The following TNKS variants were observed in gnomAD, a reference collection of about 807,000 sequenced individuals.
TNKS encodes poly [ADP-ribose] polymerase tankyrase-1.
A neutral mutation model predicts 135.8 loss-of-function variants in TNKS; 72 were observed. The ratio of observed to expected loss-of-function variants is 0.53; its 90% CI spans 0.44 to 0.64. TNKS has a LOEUF of 0.64. TNKS is among the 30% of genes least tolerant of loss of function. The pLI, the probability that TNKS is intolerant of heterozygous loss-of-function variation, is 0.00. For missense variants in TNKS, 1,769 were observed against 1,674.0 expected, an observed-to-expected ratio of 1.06 and a Z score of -0.99; for synonymous variants, 849 against 649.3, an observed-to-expected ratio of 1.31 and a Z score of -4.68.
intron 17 of TNKS, among the ~76,000 whole-genome samples, chr8:9,745,039 A>G (rs1234833614): frequency 2.0e-5 from 3 of 152,240 alleles, no homozygotes; most frequent in Admixed American, 2.0e-4. Context: ...GCCTGTAAAC[A>G]TGGGAGTTCA....
At chr8:9,645,606 T>A (rs1189540128) in intron 3 of TNKS, among the ~76,000 whole-genome samples, 1 of 152,098 alleles carries the variant, frequency 6.6e-6, no homozygotes, top group Non-Finnish European at 1.5e-5. Flanking sequence ...TGGGGGACTA[T>A]GAGGCACATA....
chr8:9,766,466 G>T (rs528253681), intron 25 of TNKS, 41 bp downstream of exon 25: 3 of 1,361,646 alleles, frequency 2.2e-6, no homozygotes, highest in Non-Finnish European at 2.9e-6. Context: ...CCACCCCTAG[G>T]TCACGAACCA....
intron 11 of TNKS, among the ~76,000 whole-genome samples, chr8:9,713,902 C>T (rs1181594377): frequency 6.6e-6 from 1 of 152,138 alleles, no homozygotes; most frequent in Non-Finnish European, 1.5e-5. Flanking sequence ...GATTTTCAGG[C>T]AACTCATGGT....
Position 9,704,715 on chromosome 8 carries a change from T to A in TNKS, c.1160T>A (p.Leu387His), listed in dbSNP as rs1448679341. 1 of 1,613,494 alleles carries A rather than the reference T, an allele frequency of 6.2e-7. No homozygotes were observed. Among genetic ancestry groups the A allele is most frequent in the Non-Finnish European group, 8.5e-7 (1 of 1,179,606 alleles). Reference sequence around the variant, plus strand: ...TACAACAGAGTTCGAATAGTTCAGCTTCTTCTTCAGCATGGTGCTGATGTT... The same window carrying A: ...TACAACAGAGTTCGAATAGTTCAGCATCTTCTTCAGCATGGTGCTGATGTT... ...AGYNRVRIVQLLLQHGADVHA... is the reference protein window; with the variant it reads ...AGYNRVRIVQHLLQHGADVHA... The change falls in exon 6 of 27, where the codon CTT becomes CAT. Residue 387 changes from leucine to histidine, a missense_variant. Coordinates refer to ENST00000310430, the MANE Select transcript of TNKS (RefSeq NM_003747.3).
At chr8:9,725,904 C>T (rs2128815034) in intron 12 of TNKS, among the ~76,000 whole-genome samples, 1 of 152,322 alleles carries the variant, frequency 6.6e-6, no homozygotes, top group South Asian at 2.1e-4. Flanking sequence ...CTAGACCTAA[C>T]AGCCCAATTT....
chr8:9,563,035 CTT>C (rs1797398348), intron 1 of TNKS, among the ~76,000 whole-genome samples: 2 of 151,890 alleles, frequency 1.3e-5, no homozygotes, highest in Admixed American at 6.6e-5. Flanking sequence ...TATATTGAAA[CTT>C]TGCCTCTTCT....
chr8:9,654,439 A>C (rs375047107), intron 3 of TNKS, among the ~76,000 whole-genome samples: 7 of 152,272 alleles, frequency 4.6e-5, no homozygotes, highest in Non-Finnish European at 8.8e-5. Flanking sequence ...AAGGAGATAT[A>C]AATGAGGATA....
intron 3 of TNKS, among the ~76,000 whole-genome samples, chr8:9,635,856 G>C (rs965225306): frequency 2.0e-5 from 3 of 152,030 alleles, no homozygotes; most frequent in Admixed American, 2.0e-4. Flanking sequence ...CCAAATCAAA[G>C]GAAACTAAAG....
intron 2 of TNKS, among the ~76,000 whole-genome samples, chr8:9,612,090 C>G (rs1032816981): frequency 1.3e-5 from 2 of 152,056 alleles, no homozygotes; most frequent in African/African-American, 4.8e-5. Context: ...GTAGAGATCA[C>G]CTTATCAAGT....
intron 3 of TNKS, among the ~76,000 whole-genome samples, chr8:9,655,252 A>G (rs1482920148): frequency 6.6e-6 from 1 of 152,182 alleles, no homozygotes; most frequent in African/African-American, 2.4e-5. Context: ...CGGAAACTCG[A>G]ACTGGGTGGA....
At chr8:9,598,241 G>C (rs1585212620) in intron 2 of TNKS, among the ~76,000 whole-genome samples, 2 of 152,024 alleles carry the variant, frequency 1.3e-5, no homozygotes, top group South Asian at 4.2e-4. Context: ...TAGAGACGGG[G>C]TTTCACCGTG....
At chr8:9,565,717 C>T (rs1270506165) in intron 1 of TNKS, among the ~76,000 whole-genome samples, 12 of 152,008 alleles carry the variant, frequency 7.9e-5, no homozygotes, top group South Asian at 4.2e-4. Flanking sequence ...ATTAGCCTGG[C>T]GTGGTGGCGG....
intron 2 of TNKS, among the ~76,000 whole-genome samples, chr8:9,590,747 C>T (rs937756680): frequency 2.0e-5 from 3 of 151,994 alleles, no homozygotes; most frequent in African/African-American, 4.8e-5. Context: ...TATCTTTGTC[C>T]GTTATTAAAT....
intron 5 of TNKS, among the ~76,000 whole-genome samples, chr8:9,698,990 G>A (rs11249939): frequency 0.58 from 87,412 of 151,660 alleles, 25,481 homozygotes; most frequent in Middle Eastern, 0.64. Context: ...TTGTATTTGT[G>A]TCTGTTCCAT....
chr8:9,752,504 A>G (rs766138113), intron 19 of TNKS, 40 bp from the exon 20 acceptor site: 3 of 1,483,498 alleles, frequency 2.0e-6, no homozygotes, highest in South Asian at 2.3e-5. Context: ...TTATATTTAG[A>G]GAATTCTTTC....
chr8:9,666,719 TAA>T (rs749333851), intron 3 of TNKS, among the ~76,000 whole-genome samples: 36 of 130,846 alleles, frequency 2.8e-4, no homozygotes, highest in Admixed American at 2.3e-4. Flanking sequence ...AGACTCTATC[TAA>T]AAAAAAAAAA....
intron 3 of TNKS, among the ~76,000 whole-genome samples, chr8:9,674,805 G>C (rs1000303899): frequency 2.0e-5 from 3 of 152,180 alleles, no homozygotes; most frequent in Non-Finnish European, 4.4e-5. Flanking sequence ...AAAATACTCT[G>C]TTCAAACTTA....
chr8:9,654,932 C>T (rs1363952985), intron 3 of TNKS, among the ~76,000 whole-genome samples: 2 of 152,182 alleles, frequency 1.3e-5, no homozygotes, highest in Non-Finnish European at 2.9e-5. Flanking sequence ...CATGCGTGAG[C>T]CGAAGCAGGG....
At chr8:9,596,694 C>T (rs1397378535) in intron 2 of TNKS, among the ~76,000 whole-genome samples, 2 of 152,216 alleles carry the variant, frequency 1.3e-5, no homozygotes, top group African/African-American at 2.4e-5. Context: ...CTGAATAACT[C>T]TTTCAGACTT....
Sources: gnomAD v4.1 joint callset for allele counts (sites outside exome capture counted in the v4.1 genomes callset) on GRCh38, gnomAD v4.1.1 for gene constraint, MANE v1.5 for transcripts, NCBI Gene and HGNC (gene_info 2026-07-23, HGNC 2026-07-21) for gene names.